VEPH1: variants seen among roughly 807,000 people sequenced by gnomAD.
VEPH1 encodes ventricular zone-expressed PH domain-containing protein homolog 1.
VEPH1 carries 80 observed loss-of-function variants against 85.2 expected under a neutral mutation model. That is an observed-to-expected ratio of 0.94 (90% CI 0.78 to 1.13). The LOEUF (loss-of-function observed/expected upper bound fraction) is 1.13. VEPH1 is among the 50% of genes most tolerant of loss of function. The probability of loss-of-function intolerance (pLI) is 0.00; values close to 1 mark genes in which losing one functional copy is unlikely to be tolerated. For missense variants in VEPH1, 955 were observed against 980.5 expected (o/e 0.97, Z 0.35); for synonymous variants, 297 against 348.0 (o/e 0.85, Z 1.63).
At chr3:157,304,038 T>TATATACACACAC in intron 11 of VEPH1, among the ~76,000 whole-genome samples, 2 of 96,896 alleles carry the variant, frequency 2.1e-5, no homozygotes, top group African/African-American at 3.1e-5. Context: ...TATATATATA[T>TATATACACACAC]ACACACATAC....
At chr3:157,332,907 G>A (rs1722635410) in intron 9 of VEPH1, among the ~76,000 whole-genome samples, 1 of 152,158 alleles carries the variant, frequency 6.6e-6, no homozygotes, top group Non-Finnish European at 1.5e-5. Context: ...TGAATCTGAA[G>A]AGTGACATTT....
intron 9 of VEPH1, among the ~76,000 whole-genome samples, chr3:157,318,172 G>C (rs1668913410): frequency 6.6e-6 from 1 of 152,232 alleles, no homozygotes. Flanking sequence ...GCCAGGATTG[G>C]AACTCAGCAG....
At chr3:157,446,652 T>C (rs1734577675) in intron 4 of VEPH1, among the ~76,000 whole-genome samples, 1 of 152,214 alleles carries the variant, frequency 6.6e-6, no homozygotes, top group Non-Finnish European at 1.5e-5. Context: ...TAAGGCCAAA[T>C]GTTTCCAGCA....
At chr3:157,303,944 G>C (rs1323872871) in intron 11 of VEPH1, among the ~76,000 whole-genome samples, 1 of 148,880 alleles carries the variant, frequency 6.7e-6, no homozygotes, top group Admixed American at 6.8e-5. Context: ...TATTCATACG[G>C]CTCTTCTGGA....
intron 12 of VEPH1, among the ~76,000 whole-genome samples, chr3:157,272,373 TC>T (rs928617249): frequency 8.2e-6 from 1 of 121,944 alleles, no homozygotes; most frequent in African/African-American, 3.3e-5. Context: ...TCTTTCTCTT[TC>T]TTTTCTTTCT....
At chr3:157,266,429 G>A (rs1281007159) in intron 12 of VEPH1, among the ~76,000 whole-genome samples, 1 of 151,966 alleles carries the variant, frequency 6.6e-6, no homozygotes. Context: ...TCCCCCATAT[G>A]TTCTCATGGC....
intron 11 of VEPH1, among the ~76,000 whole-genome samples, chr3:157,305,101 C>CTTTTT (rs139799192): frequency 2.6e-5 from 2 of 77,818 alleles, no homozygotes; most frequent in Admixed American, 2.0e-4. Flanking sequence ...ATCTATCTGT[C>CTTTTT]TTTTTTTTTT....
intron 11 of VEPH1, among the ~76,000 whole-genome samples, chr3:157,288,500 TA>T (rs943047776): frequency 1.9e-4 from 22 of 118,180 alleles, no homozygotes; most frequent in Non-Finnish European, 3.9e-4. Context: ...AACAGAAACA[TA>T]TTTTTTTTTT....
chr3:157,325,410 T>C (rs1260408058), intron 9 of VEPH1, among the ~76,000 whole-genome samples: 2 of 152,246 alleles, frequency 1.3e-5, no homozygotes, highest in Non-Finnish European at 2.9e-5. Context: ...ATGAAATCTT[T>C]GCCTGTGCCT....
intron 3 of VEPH1, among the ~76,000 whole-genome samples, chr3:157,464,327 A>G (rs901510439): frequency 6.6e-6 from 1 of 152,204 alleles, no homozygotes; most frequent in Admixed American, 6.6e-5. Flanking sequence ...GTAAAGGAGG[A>G]GATCTCAGGC....
intron 6 of VEPH1, among the ~76,000 whole-genome samples, chr3:157,407,281 C>T (rs1387790606): frequency 1.3e-5 from 2 of 152,114 alleles, no homozygotes; most frequent in Non-Finnish European, 2.9e-5. Flanking sequence ...TTGCTGCAAA[C>T]TTATTTGAGC....
chr3:157,496,831 C>A (rs1739704403), intron 1 of VEPH1, among the ~76,000 whole-genome samples: 1 of 152,194 alleles, frequency 6.6e-6, no homozygotes, highest in South Asian at 2.1e-4. Context: ...TGGTACAATT[C>A]ATGAGTCATA....
intron 12 of VEPH1, among the ~76,000 whole-genome samples, chr3:157,284,819 C>T (rs1241643386): frequency 6.6e-6 from 1 of 152,048 alleles, no homozygotes; most frequent in Non-Finnish European, 1.5e-5. Context: ...AAATATTTGG[C>T]CTTGTTTGAA....
intron 9 of VEPH1, among the ~76,000 whole-genome samples, chr3:157,354,548 T>C (rs954229103): frequency 6.6e-6 from 1 of 152,160 alleles, no homozygotes; most frequent in Admixed American, 6.5e-5. Context: ...TCCTTATTCA[T>C]GTCTCCATTG....
intron 9 of VEPH1, among the ~76,000 whole-genome samples, chr3:157,336,038 AT>A (rs1722935169): frequency 1.3e-5 from 2 of 152,030 alleles, no homozygotes; most frequent in African/African-American, 4.8e-5. Context: ...TTGTCTTCTC[AT>A]TTTCTACTCC....
chr3:157,305,648 T>A (rs60695238), intron 11 of VEPH1, among the ~76,000 whole-genome samples: 10,148 of 152,298 alleles, frequency 0.067, 498 homozygotes, highest in South Asian at 0.19. Flanking sequence ...TGAATATTTT[T>A]AAGACTCTTG....
intron 2 of VEPH1, among the ~76,000 whole-genome samples, chr3:157,480,041 TC>T (rs963271005): frequency 3.3e-4 from 50 of 150,574 alleles, no homozygotes; most frequent in African/African-American, 1.2e-3. Context: ...ATTCTTTTTT[TC>T]TTTCTTTCTT....
chr3:157,407,484 C>A (rs1246165371), intron 6 of VEPH1, among the ~76,000 whole-genome samples: 1 of 152,096 alleles, frequency 6.6e-6, no homozygotes, highest in Non-Finnish European at 1.5e-5. Context: ...CATTCCACCC[C>A]GAGGAATAAA....
intron 4 of VEPH1, among the ~76,000 whole-genome samples, chr3:157,431,260 A>T (rs1733127444): frequency 6.6e-6 from 1 of 152,150 alleles, no homozygotes; most frequent in East Asian, 1.9e-4. Context: ...CTCCTCAGCC[A>T]CGTGGAACTG....
Sources: gnomAD v4.1 joint callset for allele counts (sites outside exome capture counted in the v4.1 genomes callset) on GRCh38, gnomAD v4.1.1 for gene constraint, MANE v1.5 for transcripts, NCBI Gene and HGNC (gene_info 2026-07-23, HGNC 2026-07-21) for gene names.